Variants in POTEF observed in about 807,000 individuals in gnomAD.
The protein encoded by POTEF is POTE ankyrin domain family member F.
POTEF carries 20 observed loss-of-function variants against 83.2 expected under a neutral mutation model. The ratio of observed to expected loss-of-function variants is 0.24; its 90% CI spans 0.17 to 0.35. The LOEUF (loss-of-function observed/expected upper bound fraction) is 0.35, where lower values mean the gene tolerates loss of function less well. Ranked by LOEUF, POTEF falls within the 10% of genes least tolerant of loss-of-function variation. The pLI is 1.00. For synonymous variants in POTEF, 196 were observed against 446.4 expected (o/e 0.44, Z 7.07); for missense variants, 550 against 1,203.2 (o/e 0.46, Z 8.03).
intron 5 of POTEF, 92 bp from the exon 6 acceptor site, chr2:130,112,193 T>TTAC: frequency 1.6e-6 from 2 of 1,267,792 alleles, no homozygotes; most frequent in Non-Finnish European, 1.1e-6. Flanking sequence ...TCTTATGGAC[T>TTAC]TACACGCATA....
chr2:130,120,615 G>C lies in POTEF; in HGVS notation c.-93-7C>G, dbSNP rs1051147085. On this transcript the variant is annotated splice_region_variant and splice_polypyrimidine_tract_variant and intron_variant, in intron 2 of 16. Transcript: ENST00000409914. ...GTAACTCCGGGTTTCCAATCTGTTT[G>C]AAGAGAAAAGTCAATCCCAGCCAAA... 25 of 1,586,348 alleles carry C rather than the reference G, an allele frequency of 1.6e-5. No homozygotes were observed. The highest frequency in any genetic ancestry group is 5.4e-5 in the African/African-American group (4 of 74,000).
At chr2:130,123,779 A>T in intron 2 of POTEF, among the ~76,000 whole-genome samples, 1 of 146,916 alleles carries the variant, frequency 6.8e-6, no homozygotes, top group Admixed American at 6.8e-5. Context: ...GACACATTAT[A>T]AGCATTTTTA....
intron 15 of POTEF, among the ~76,000 whole-genome samples, chr2:130,083,589 G>GA (rs556141504): frequency 1.2e-3 from 146 of 125,316 alleles, no homozygotes; most frequent in African/African-American, 5.0e-3. Flanking sequence ...ATTTAGTACA[G>GA]AAAAAAATTA....
At chr2:130,126,940 G>A (rs1685105820) in intron 2 of POTEF, among the ~76,000 whole-genome samples, 1 of 151,980 alleles carries the variant, frequency 6.6e-6, no homozygotes. Flanking sequence ...AAGAACAGGT[G>A]CAGGAATTAG....
chr2:130,108,835 G>C (rs1373315770), intron 7 of POTEF, among the ~76,000 whole-genome samples: 2 of 149,330 alleles, frequency 1.3e-5, no homozygotes, highest in Non-Finnish European at 3.0e-5. Context: ...GTTAAGACCT[G>C]ACTTGGACCA....
chr2:130,113,174 G>A (rs1242016302), intron 5 of POTEF, among the ~76,000 whole-genome samples: 1 of 120,080 alleles, frequency 8.3e-6, no homozygotes, highest in Admixed American at 9.1e-5. Context: ...TTGAGCCCAG[G>A]AGTTCAAGAC....
intron 2 of POTEF, 28 bp from the exon 3 acceptor site, chr2:130,120,636 C>A: frequency 1.3e-6 from 2 of 1,557,890 alleles, no homozygotes; most frequent in South Asian, 1.2e-5. Context: ...TCAATCCCAG[C>A]CAAAACCTGC....
intron 5 of POTEF, among the ~76,000 whole-genome samples, chr2:130,114,193 A>C (rs1684782589): frequency 6.6e-6 from 1 of 150,506 alleles, no homozygotes; most frequent in South Asian, 2.1e-4. Context: ...GGTAGTTTAC[A>C]ACCCACTAAC....
chr2:130,080,255 C>G (rs1317107585), intron 15 of POTEF, among the ~76,000 whole-genome samples: 2 of 116,020 alleles, frequency 1.7e-5, no homozygotes, highest in South Asian at 2.9e-4. Context: ...AAAATGATCT[C>G]GTAAATTTTC....
chr2:130,074,479 AC>A lies in POTEF; in HGVS notation c.2992del (p.Val998CysfsTer27). The A allele has an allele frequency of 6.0e-6, 9 of 1,508,950 alleles. No individual in the cohort carries two copies. Among genetic ancestry groups the A allele is most frequent in the Non-Finnish European group, 5.4e-6 (6 of 1,102,152 alleles). The allele number at this position is 1,508,950 out of a possible 1,614,324, so 93.5% of individuals were successfully genotyped here. A position where few individuals can be genotyped will look rare whatever the true frequency, so the allele number is the denominator to read the frequency against. On this transcript the variant is annotated frameshift_variant, in exon 17 of 17. Coordinates refer to ENST00000409914, the MANE Select transcript of POTEF (RefSeq NM_001099771.2). LOFTEE classifies it high-confidence loss of function. ...GTACATGGTGGTGCCGCCAGACAGC[AC>A]TGTGTTGGTGTACAGGTCTTTGCGG... The part of the protein sequence containing the change: ...DIRKDLYTNT[V>X]LSGGTTMYPG...
At chr2:130,101,096 G>C (rs200234400) in intron 9 of POTEF, among the ~76,000 whole-genome samples, 37,739 of 82,268 alleles carry the variant, frequency 0.46, 9,876 homozygotes, top group Middle Eastern at 0.57. Context: ...TTGTAGTGTT[G>C]CAAAACCTTC....
intron 6 of POTEF, among the ~76,000 whole-genome samples, chr2:130,111,508 T>C (rs1399511782): frequency 1.3e-5 from 2 of 151,796 alleles, no homozygotes; most frequent in Non-Finnish European, 1.5e-5. Flanking sequence ...TTAATTGTTA[T>C]GTAGGGATAA....
intron 7 of POTEF, chr2:130,109,066 C>G (rs1256531057): frequency 6.6e-6 from 1 of 151,302 alleles, no homozygotes; most frequent in Non-Finnish European, 1.5e-5. Flanking sequence ...AAAGTCATCT[C>G]ATAGACCATC....
chr2:130,075,574 T>A lies in POTEF; in HGVS notation c.1900-2A>T, dbSNP rs1294759744. On this transcript the variant is annotated splice_acceptor_variant, in intron 16 of 16. Transcript: ENST00000409914. LOFTEE classifies it high-confidence loss of function. The stretch of plus-strand genomic sequence containing the variant: ...TTCTTTCTTACAACTAAGAGAAAGC[T>A]AAGTAAACAAAGAGAACTTTTAGTT... The A allele has an allele frequency of 6.2e-7, 1 of 1,608,688 alleles. No individual in the cohort carries two copies. Among genetic ancestry groups the A allele is most frequent in the Non-Finnish European group, 8.5e-7 (1 of 1,178,836 alleles).
intron 8 of POTEF, among the ~76,000 whole-genome samples, chr2:130,105,259 T>TA (rs1212909709): frequency 1.3e-5 from 2 of 151,028 alleles, no homozygotes; most frequent in East Asian, 1.9e-4. Context: ...ATTTCTTACA[T>TA]AAAAAAAATT....
rs761079838 is a variant in POTEF, at chr2:130,075,269, C to A, written c.2203G>T (p.Val735Leu). 2.2e-5 allele frequency: 36 copies of A among 1,612,416 alleles called. No homozygotes were observed. Among genetic ancestry groups the A allele is most frequent in the Non-Finnish European group, 2.9e-5 (34 of 1,179,862 alleles). Residue 735 changes from valine to leucine, a missense_variant, in exon 17 of 17, where the codon GTG (valine) becomes TTG (leucine). Coordinates refer to ENST00000409914, the MANE Select transcript of POTEF (RefSeq NM_001099771.2). The stretch of plus-strand genomic sequence containing the variant: ...ATGCCCTGCTGCCTGGGGCGCCCCA[C>A]GATGGAAGGGAAGACAGCCCGGGGG... ...DAPRAVFPSI[V>L]GRPRQQGMMG...
chr2:130,096,482 GA>G (rs1355716365), intron 11 of POTEF, among the ~76,000 whole-genome samples: 3 of 110,254 alleles, frequency 2.7e-5, no homozygotes, highest in Admixed American at 8.9e-5. Context: ...TAGATTTCAG[GA>G]AGGACATCAG....
At position 130,120,095 on chromosome 2, in the gene POTEF, C is replaced by G. The variant is rs1684958078; in HGVS notation, c.421G>C (p.Asp141His). 4 of 1,604,296 alleles carry G rather than the reference C, an allele frequency of 2.5e-6. No homozygotes were observed. In the African/African-American group the frequency reaches 5.7e-5, roughly 23 times the overall value. ...PRYHVRGEDL[D>H]KLHRAAWWGK... ...CACCAGGCAGCTCTGTGGAGCTTGTCCAGATCTTCTCCACGGACGTGGTAC... is the reference window on the plus strand; with the variant it reads ...CACCAGGCAGCTCTGTGGAGCTTGTGCAGATCTTCTCCACGGACGTGGTAC... The change falls in exon 3 of 17, where the codon GAC becomes CAC. Residue 141 changes from aspartate (D) to histidine (H), a missense_variant. By Grantham distance (81) the Asp-to-His change is moderately conservative (BLOSUM62 -1). Coordinates refer to ENST00000409914, the MANE Select transcript of POTEF (RefSeq NM_001099771.2).
intron 2 of POTEF, among the ~76,000 whole-genome samples, chr2:130,126,962 T>C (rs1489703194): frequency 1.3e-5 from 2 of 151,994 alleles, no homozygotes; most frequent in African/African-American, 2.4e-5. Context: ...AGGCCTATTA[T>C]GACACCTTTT....
Sources: gnomAD v4.1 joint callset for allele counts (sites outside exome capture counted in the v4.1 genomes callset) on GRCh38, gnomAD v4.1.1 for gene constraint, MANE v1.5 for transcripts, NCBI Gene and HGNC (gene_info 2026-07-23, HGNC 2026-07-21) for gene names.